The following DCLK1 variants were observed in gnomAD, a reference collection of about 807,000 sequenced individuals.
DCLK1 encodes doublecortin like kinase 1.
A neutral mutation model predicts 86.2 loss-of-function variants in DCLK1; 16 were observed. That is an observed-to-expected ratio of 0.19 (90% CI 0.13 to 0.28). DCLK1 has a LOEUF of 0.28. DCLK1 is among the 10% of genes least tolerant of loss of function. The pLI is 1.00. For missense variants in DCLK1, 590 were observed against 940.2 expected (o/e 0.63, Z 4.87); for synonymous variants, 369 against 370.5 (o/e 1.00, Z 0.05).
intron 4 of DCLK1, among the ~76,000 whole-genome samples, chr13:35,916,652 A>G (rs1339113113): frequency 6.6e-6 from 1 of 151,904 alleles, no homozygotes; most frequent in Non-Finnish European, 1.5e-5. Flanking sequence ...CTCTGTAGAT[A>G]CCCTTTCCTT....
intron 3 of DCLK1, among the ~76,000 whole-genome samples, chr13:35,956,260 T>C (rs1165706332): frequency 6.6e-6 from 1 of 152,146 alleles, no homozygotes; most frequent in Non-Finnish European, 1.5e-5. Context: ...GCCCAGGAAA[T>C]TGGCTTATCT....
intron 3 of DCLK1, among the ~76,000 whole-genome samples, chr13:36,017,657 T>G (rs1242688440): frequency 6.6e-6 from 1 of 152,202 alleles, no homozygotes; most frequent in Non-Finnish European, 1.5e-5. Context: ...ATGGTGTGTG[T>G]AGGGTAATGC....
intron 3 of DCLK1, among the ~76,000 whole-genome samples, chr13:35,999,741 T>C (rs1420702904): frequency 6.6e-6 from 1 of 152,218 alleles, no homozygotes; most frequent in Non-Finnish European, 1.5e-5. Context: ...CCTGATGTCT[T>C]ATTATGCCCT....
intron 3 of DCLK1, among the ~76,000 whole-genome samples, chr13:36,062,164 T>C (rs1593856376): frequency 6.6e-6 from 1 of 152,332 alleles, no homozygotes. Flanking sequence ...CCTACATTAA[T>C]TTATATAGTG....
At chr13:35,984,049 G>A (rs367752066) in intron 3 of DCLK1, among the ~76,000 whole-genome samples, 4 of 152,238 alleles carry the variant, frequency 2.6e-5, no homozygotes, top group African/African-American at 7.2e-5. Flanking sequence ...TTACAGTGGT[G>A]CAGGTGAGCC....
chr13:36,056,558 T>A (rs1883319370), intron 3 of DCLK1, among the ~76,000 whole-genome samples: 1 of 136,928 alleles, frequency 7.3e-6, no homozygotes, highest in Admixed American at 7.6e-5. Flanking sequence ...ATGGCACATG[T>A]ATACATATGT....
chr13:35,909,010 G>A (rs185842653), intron 4 of DCLK1, among the ~76,000 whole-genome samples: 1 of 152,282 alleles, frequency 6.6e-6, no homozygotes, highest in African/African-American at 2.4e-5. Context: ...TACAAAGCAA[G>A]AAGAAAAAGA....
chr13:35,932,982 G>T (rs1490049159), intron 4 of DCLK1, among the ~76,000 whole-genome samples: 1 of 152,196 alleles, frequency 6.6e-6, no homozygotes, highest in Non-Finnish European at 1.5e-5. Flanking sequence ...AAAATCAAAA[G>T]TAAGTTAGTT....
rs1165775617 is a variant in DCLK1 at position 36,086,772 on chromosome 13, C to T, written c.723+25097G>A. ...TGCTGAGAATGATGGTTTCCAGCTTCATCTAGGTCCCTGCAAAGGACATGA... is the reference window on the plus strand; with the variant it reads ...TGCTGAGAATGATGGTTTCCAGCTTTATCTAGGTCCCTGCAAAGGACATGA... On this transcript the variant is annotated intron_variant, in intron 3 of 16. Transcript: ENST00000360631. Among the ~76,000 whole-genome samples, 4 of 152,268 alleles carry T rather than the reference C, an allele frequency of 2.6e-5. No individual in the cohort carries two copies. The South Asian group carries it at 6.2e-4, about 24-fold the overall frequency.
At chr13:35,930,044 A>C (rs190284381) in intron 4 of DCLK1, among the ~76,000 whole-genome samples, 11 of 152,272 alleles carry the variant, frequency 7.2e-5, no homozygotes, top group Admixed American at 7.2e-4. Flanking sequence ...CATGTATCAA[A>C]TTATTACCCA....
chr13:35,907,383 G>A (rs1320896837), intron 4 of DCLK1, among the ~76,000 whole-genome samples: 2 of 151,934 alleles, frequency 1.3e-5, no homozygotes, highest in African/African-American at 2.4e-5. Flanking sequence ...GGCTGGTCTC[G>A]AACTCCTGGC....
intron 3 of DCLK1, among the ~76,000 whole-genome samples, chr13:36,000,818 C>A (rs1465221135): frequency 6.6e-6 from 1 of 152,118 alleles, no homozygotes; most frequent in Non-Finnish European, 1.5e-5. Context: ...CAGTACTCAG[C>A]ACATAGGTGA....
intron 4 of DCLK1, among the ~76,000 whole-genome samples, chr13:35,937,658 GC>G (rs980233967): frequency 1.3e-5 from 2 of 152,084 alleles, no homozygotes; most frequent in African/African-American, 4.8e-5. Context: ...TTGCTGAGGT[GC>G]CATCCAGTGC....
intron 4 of DCLK1, among the ~76,000 whole-genome samples, chr13:35,933,769 G>A (rs1876591289): frequency 6.6e-6 from 1 of 152,172 alleles, no homozygotes; most frequent in African/African-American, 2.4e-5. Flanking sequence ...GTGATGGGAG[G>A]GGCTGCTGTA....
At chr13:36,047,815 G>C (rs1406152931) in intron 3 of DCLK1, among the ~76,000 whole-genome samples, 2 of 152,148 alleles carry the variant, frequency 1.3e-5, no homozygotes, top group Non-Finnish European at 2.9e-5. Context: ...TGAGGGCTGG[G>C]TGTGGTGGCT....
chr13:35,922,882 G>GC (rs1875879595), intron 4 of DCLK1, among the ~76,000 whole-genome samples: 1 of 152,082 alleles, frequency 6.6e-6, no homozygotes, highest in South Asian at 2.1e-4. Flanking sequence ...TAAGCCCCCT[G>GC]CCATCCCTGG....
rs906657300 is a variant in DCLK1, at chr13:35,770,430, T to A, written c.*4105A>T. 3 of 152,182 alleles carry A rather than the reference T, an allele frequency of 2.0e-5. No homozygotes were observed. Among genetic ancestry groups the A allele is most frequent in the African/African-American group, 7.2e-5 (3 of 41,442 alleles). 9.4% of individuals were successfully genotyped at this position (152,182 alleles called of 1,614,324 possible). On this transcript the variant is annotated 3_prime_UTR_variant, in exon 17 of 17. Coordinates refer to ENST00000360631, the MANE Select transcript of DCLK1 (RefSeq NM_001330071.2). ...TCCCCAACAGACTAGAATGGCTCCA[T>A]GAAATTTGACAATTAAGTAAGGAAA... is the stretch of plus-strand genomic sequence containing the variant.
intron 3 of DCLK1, among the ~76,000 whole-genome samples, chr13:36,028,706 C>A (rs1483592870): frequency 6.6e-6 from 1 of 152,164 alleles, no homozygotes; most frequent in Non-Finnish European, 1.5e-5. Context: ...ATACAGGTCA[C>A]AAAGACCTTA....
intron 4 of DCLK1, 104 bp downstream of exon 4, chr13:35,947,254 A>C: frequency 2.6e-6 from 2 of 780,848 alleles, no homozygotes; most frequent in Non-Finnish European, 4.1e-6. Context: ...GAGGATCTGA[A>C]ACTGATTTGG....
Sources: gnomAD v4.1 joint callset for allele counts (sites outside exome capture counted in the v4.1 genomes callset) on GRCh38, gnomAD v4.1.1 for gene constraint, MANE v1.5 for transcripts, NCBI Gene and HGNC (gene_info 2026-07-23, HGNC 2026-07-21) for gene names.